Variants in ADGRG2 observed in about 807,000 individuals in gnomAD.
ADGRG2 encodes the protein G protein-coupled receptor 64.
In ADGRG2, 26 loss-of-function variants were observed where a neutral mutation model predicts 74.1. That is an observed-to-expected ratio of 0.35 (90% CI 0.26 to 0.49). ADGRG2 has a LOEUF of 0.49. ADGRG2 is among the 20% of genes least tolerant of loss of function. ADGRG2 has a pLI of 0.99. For missense variants in ADGRG2, 619 were observed against 763.1 expected (o/e 0.81, Z 2.22); for synonymous variants, 296 against 295.2 (o/e 1.00, Z -0.03).
At chrX:19,082,964 C>G (rs1172570906) in intron 1 of ADGRG2, among the ~76,000 whole-genome samples, 1 of 110,582 alleles carries the variant, frequency 9.0e-6, no homozygotes, top group Non-Finnish European at 1.9e-5. Flanking sequence ...AGCACAAGCC[C>G]AAAGCCAGTT....
intron 26 of ADGRG2, among the ~76,000 whole-genome samples, chrX:18,996,406 A>G (rs982753645): frequency 1.8e-5 from 2 of 110,983 alleles, no homozygotes; most frequent in African/African-American, 6.6e-5. Flanking sequence ...CATTTCCACA[A>G]TTAAATTCAC....
At chrX:19,100,895 A>G (rs2062176171) in intron 1 of ADGRG2, among the ~76,000 whole-genome samples, 1 of 113,480 alleles carries the variant, frequency 8.8e-6, no homozygotes. Context: ...AATGAAAGCA[A>G]ACTCAGCTTT....
At chrX:19,061,265 T>C (rs1365365595) in intron 3 of ADGRG2, among the ~76,000 whole-genome samples, 1 of 111,748 alleles carries the variant, frequency 8.9e-6, no homozygotes, top group Non-Finnish European at 1.9e-5. Context: ...TTGGAATATC[T>C]CTAGGCTTTA....
At chrX:19,104,244 G>C (rs2062239949) in intron 1 of ADGRG2, among the ~76,000 whole-genome samples, 1 of 110,555 alleles carries the variant, frequency 9.0e-6, no homozygotes, top group Admixed American at 9.7e-5. Context: ...CTGTGGAAGG[G>C]AGTTGGCTGC....
chrX:19,077,748 A>G (rs1276558941), intron 2 of ADGRG2, among the ~76,000 whole-genome samples: 3 of 112,046 alleles, frequency 2.7e-5, no homozygotes, highest in Non-Finnish European at 3.8e-5. Context: ...CTAATATCAG[A>G]CAAATTATAC....
intron 3 of ADGRG2, among the ~76,000 whole-genome samples, chrX:19,056,296 C>T (rs2061410230): frequency 8.9e-6 from 1 of 111,930 alleles, no homozygotes; most frequent in Non-Finnish European, 1.9e-5. Context: ...TCACTCTCCC[C>T]AGCCACCATT....
chrX:19,071,764 A>T (rs777376901), intron 2 of ADGRG2, among the ~76,000 whole-genome samples: 21 of 110,905 alleles, frequency 1.9e-4, no homozygotes, highest in Admixed American at 1.8e-3. Flanking sequence ...AGTTTCAATA[A>T]AAAGTTTAAA....
intron 3 of ADGRG2, among the ~76,000 whole-genome samples, chrX:19,061,293 G>C: frequency 9.0e-6 from 1 of 111,603 alleles, no homozygotes; most frequent in Middle Eastern, 4.6e-3. Flanking sequence ...GTCACAAATC[G>C]AAACCAATTA....
At chrX:19,009,856 G>A (rs1197551321) in intron 17 of ADGRG2, 74 bp from the exon 18 acceptor site, 1 of 871,802 alleles carries the variant, frequency 1.1e-6, no homozygotes, top group African/African-American at 2.0e-5. Flanking sequence ...CTGTTGCCAG[G>A]CTGGGGTGCA....
Position 19,008,055 on chromosome X carries a change from A to T in ADGRG2, c.1491T>A (p.Asn497Lys). The T allele has an allele frequency of 8.4e-7, 1 of 1,196,954 alleles. No individual in the cohort carries two copies. Among genetic ancestry groups the T allele is most frequent in the Non-Finnish European group, 1.1e-6 (1 of 882,433 alleles). ...GCTCCATGTCATGAGCTGGTAAATT[A>T]TTCATCAGCGATGAAGGAAGAGTAA... ...GTITLPSSLM[N>K]NLPAHDMELA... The change falls in exon 19 of 29, where the codon AAT becomes AAA. Residue 497 changes from asparagine to lysine, a missense_variant. By Grantham distance (94) the Asn-to-Lys change is moderately conservative. Transcript: ENST00000379869.
intron 1 of ADGRG2, among the ~76,000 whole-genome samples, chrX:19,087,060 G>A (rs768636004): frequency 9.0e-6 from 1 of 111,488 alleles, no homozygotes; most frequent in Admixed American, 9.5e-5. Flanking sequence ...GCACATTCTT[G>A]GTCTTAGAGT....
At chrX:19,107,692 G>C (rs901447199) in intron 1 of ADGRG2, among the ~76,000 whole-genome samples, 2 of 105,606 alleles carry the variant, frequency 1.9e-5, no homozygotes, top group African/African-American at 3.4e-5. Flanking sequence ...GGGATGGTGG[G>C]GGCAGGCAGG....
intron 3 of ADGRG2, among the ~76,000 whole-genome samples, chrX:19,067,966 G>A (rs1433586936): frequency 4.5e-5 from 5 of 112,170 alleles, no homozygotes; most frequent in Admixed American, 3.8e-4. Context: ...CAAAACAACA[G>A]GAAAATACAA....
chrX:18,996,095 C>G lies in ADGRG2; in HGVS notation c.2672G>C (p.Arg891Thr). ...TAACTTTCCACAACAAAGATACCGC[C>G]TCCATTGCTTCCTGACATTTTCTTT... Reference protein sequence around the residue: ...VAKENVRKQWRRYLCCGKLRL... With the variant: ...VAKENVRKQWTRYLCCGKLRL... Residue 891 changes from arginine to threonine, a missense_variant, in exon 27 of 29, where the codon AGG becomes ACG. Around this residue, in one of 3 missense-constraint regions of ADGRG2, gnomAD observed 106 missense variants for 104.5 expected, o/e 1.01. Transcript: ENST00000379869. 2 of 1,189,806 alleles carry G rather than the reference C, an allele frequency of 1.7e-6. No individual in the cohort carries two copies. Among genetic ancestry groups the G allele is most frequent in the South Asian group, 3.6e-5 (2 of 56,220 alleles).
chrX:19,035,839 A>G, intron 7 of ADGRG2, 103 bp downstream of exon 7: 1 of 429,131 alleles, frequency 2.3e-6, no homozygotes, highest in Non-Finnish European at 4.1e-6. Flanking sequence ...AAAAAGGGCA[A>G]GGAGGCAAAA....
At chrX:19,080,003 C>A (rs939586933) in intron 2 of ADGRG2, among the ~76,000 whole-genome samples, 2 of 108,292 alleles carry the variant, frequency 1.8e-5, no homozygotes, top group African/African-American at 6.7e-5. Flanking sequence ...CTCCACCTCC[C>A]GGTTCAAGCA....
At chrX:19,031,098 T>C in intron 8 of ADGRG2, 61 bp from the exon 9 acceptor site, 4 of 791,984 alleles carry the variant, frequency 5.1e-6, no homozygotes, top group Non-Finnish European at 5.8e-6. Context: ...ATGTGCTGCA[T>C]TGTCAAGAGA....
At chrX:19,072,472 G>A (rs1231640544) in intron 2 of ADGRG2, among the ~76,000 whole-genome samples, 1 of 112,024 alleles carries the variant, frequency 8.9e-6, no homozygotes, top group Non-Finnish European at 1.9e-5. Context: ...TCATTCTTGA[G>A]CTTTGCTAAC....
chrX:19,049,438 G>GTTTTTTTTTTTTTTTTTTTTTT (rs752686975), intron 3 of ADGRG2, among the ~76,000 whole-genome samples: 3 of 82,201 alleles, frequency 3.6e-5, no homozygotes, highest in African/African-American at 5.7e-5. Flanking sequence ...CGTTTTTTGT[G>GTTTTTTTTTTTTTTTTTTTTTT]TTTTTTTTTT....
Sources: allele counts gnomAD v4.1 joint callset (sites outside exome capture counted in the v4.1 genomes callset), GRCh38; gene constraint gnomAD v4.1.1; regional missense constraint gnomAD v4.1.1; transcripts MANE v1.5; gene names NCBI Gene and HGNC (gene_info 2026-07-23, HGNC 2026-07-21).